ANXA7: variants seen among roughly 807,000 people sequenced by gnomAD.
ANXA7 encodes annexin A7, also known as annexin VII.
In ANXA7, 55 loss-of-function variants were observed where a neutral mutation model predicts 64.9. The observed-to-expected ratio is 0.85, with a 90% CI of 0.68 to 1.06. ANXA7 has a LOEUF of 1.06. Ranked by LOEUF, ANXA7 falls within the 50% of genes least tolerant of loss-of-function variation. ANXA7 has a pLI of 0.00. For synonymous variants in ANXA7, 200 were observed against 192.4 expected (o/e 1.04, Z -0.33); for missense variants, 548 against 582.1 (o/e 0.94, Z 0.60).
chr10:73,377,781 T>G (rs968403768), intron 12 of ANXA7, among the ~76,000 whole-genome samples: 11 of 148,552 alleles, frequency 7.4e-5, no homozygotes, highest in Non-Finnish European at 1.0e-4. Flanking sequence ...TGGGTGTGTG[T>G]GTGTGTGTGT....
At chr10:73,380,266 A>G in intron 9 of ANXA7, 65 bp from the exon 10 acceptor site, 1 of 1,472,204 alleles carries the variant, frequency 6.8e-7, no homozygotes, top group African/African-American at 1.4e-5. Context: ...TTTTTTTTCC[A>G]ATCTAGTTCA....
chr10:73,396,438 A>G, intron 5 of ANXA7, 81 bp downstream of exon 5: 1 of 1,006,556 alleles, frequency 9.9e-7, no homozygotes, highest in Non-Finnish European at 1.5e-6. Context: ...ATTTCCTCCG[A>G]CCCATGGAAA....
intron 1 of ANXA7, among the ~76,000 whole-genome samples, chr10:73,402,271 C>G (rs1482422453): frequency 6.6e-6 from 1 of 152,180 alleles, no homozygotes. Flanking sequence ...TTGCTGCAGC[C>G]TTGACCTCCT....
At chr10:73,405,490 G>C (rs2055742309) in intron 1 of ANXA7, among the ~76,000 whole-genome samples, 1 of 152,136 alleles carries the variant, frequency 6.6e-6, no homozygotes, top group African/African-American at 2.4e-5. Context: ...AGTGAGCCAA[G>C]ATCACACCAC....
intron 7 of ANXA7, 81 bp downstream of exon 7, chr10:73,387,608 T>A (rs2055396339): frequency 9.0e-7 from 1 of 1,113,814 alleles, no homozygotes; most frequent in Admixed American, 1.7e-5. Flanking sequence ...CAGGTACTAA[T>A]CAAAATATAG....
At chr10:73,389,603 A>T (rs960343613) in intron 5 of ANXA7, among the ~76,000 whole-genome samples, 1 of 152,248 alleles carries the variant, frequency 6.6e-6, no homozygotes, top group Non-Finnish European at 1.5e-5. Flanking sequence ...ATACAAAGCT[A>T]TGAAATAATT....
At chr10:73,394,895 T>C (rs111867063) in intron 5 of ANXA7, among the ~76,000 whole-genome samples, 8 of 152,240 alleles carry the variant, frequency 5.3e-5, no homozygotes, top group African/African-American at 1.4e-4. Context: ...CATAAGTACA[T>C]GTGATTTACT....
At chr10:73,377,826 CGTGTGTGTGTGTGTGT>C (rs58404250) in intron 12 of ANXA7, among the ~76,000 whole-genome samples, 4 of 122,518 alleles carry the variant, frequency 3.3e-5, no homozygotes, top group Non-Finnish European at 6.8e-5. Flanking sequence ...TAGGTTTCAC[CGTGTGTGTGTGTGTGT>C]GTGTGTGTGT....
Position 73,388,378 on chromosome 10 carries a change from G to T in ANXA7, c.472C>A (p.Arg158=), listed in dbSNP as rs746705102. The change falls in exon 6 of 13, where the codon CGA becomes AGA. Residue 158 remains arginine, a synonymous_variant. Coordinates refer to ENST00000372921, the MANE Select transcript of ANXA7 (RefSeq NM_001156.5). ...ATAGCATCGAAGTTGGCAGCTGGTC[G>T]GATAGTTCCTTGAGTGACCTGAGTC... is the stretch of plus-strand genomic sequence containing the variant. ...TVTQVTQGTI[R]PAANFDAIRD... is the part of the protein sequence containing the mutation. 1 of 1,613,940 alleles carries T rather than the reference G, an allele frequency of 6.2e-7. No homozygotes were observed. The highest frequency in any genetic ancestry group is 8.5e-7 in the Non-Finnish European group (1 of 1,179,874).
In ANXA7 at chr10:73,379,004, G is replaced by A; in HGVS notation, c.1185C>T (p.Arg395=). 1 of 1,612,570 alleles carries A rather than the reference G, an allele frequency of 6.2e-7. No homozygotes were observed. The highest frequency in any genetic ancestry group is 8.5e-7 in the Non-Finnish European group (1 of 1,179,364). Residue 395 remains arginine, a synonymous_variant, in exon 12 of 13, where the codon CGC becomes CGT. Coordinates refer to ENST00000372921, the MANE Select transcript of ANXA7 (RefSeq NM_001156.5). ...AGAGCCTCTCAGCAAAGAAGGCAGG[G>A]CGGTTCAGGGCACACTGCACTGCAA... ...LKTILQCALN[R]PAFFAERLYY...
At chr10:73,380,237 A>G (rs2055254658) in intron 9 of ANXA7, 36 bp from the exon 10 acceptor site, 5 of 1,574,576 alleles carry the variant, frequency 3.2e-6, no homozygotes, top group East Asian at 4.5e-5. Flanking sequence ...GAAGAAATAA[A>G]TAATAGTTCT....
Position 73,387,802 on chromosome 10 carries a change from T to C in ANXA7, c.539-19A>G, listed in dbSNP as rs751638022. On this transcript the variant is annotated intron_variant, in intron 6 of 12. Transcript: ENST00000372921. The stretch of plus-strand genomic sequence containing the variant: ...TCTGTCCCTGGAAGAACCACACATG[T>C]TTAAGTAAGGACAAAGTACATGCTA... 2.5e-6 allele frequency: 4 copies of C among 1,601,848 alleles called. No individual in the cohort carries two copies. Among genetic ancestry groups the C allele is most frequent in the African/African-American group, 1.3e-5 (1 of 74,542 alleles).
intron 5 of ANXA7, among the ~76,000 whole-genome samples, chr10:73,392,216 C>T (rs1258162698): frequency 6.6e-6 from 1 of 152,110 alleles, no homozygotes; most frequent in Non-Finnish European, 1.5e-5. Flanking sequence ...TAAGAGCCTA[C>T]CAACCAAAAA....
intron 7 of ANXA7, among the ~76,000 whole-genome samples, chr10:73,387,172 G>T (rs567098914): frequency 4.6e-4 from 70 of 152,230 alleles, no homozygotes; most frequent in Middle Eastern, 3.4e-3. Context: ...TGTGACTGGG[G>T]TAAGGTATGA....
At chr10:73,402,526 T>C (rs1464523137) in intron 1 of ANXA7, among the ~76,000 whole-genome samples, 1 of 152,212 alleles carries the variant, frequency 6.6e-6, no homozygotes, top group African/African-American at 2.4e-5. Context: ...AAATAATTCC[T>C]GTGTAGTTAT....
chr10:73,383,796 C>T, intron 7 of ANXA7, 106 bp from the exon 8 acceptor site: 4 of 781,552 alleles, frequency 5.1e-6, no homozygotes, highest in Non-Finnish European at 8.5e-6. Context: ...TTATAAAAAC[C>T]TAAATTTGAA....
At chr10:73,413,242 C>A (rs1045696302) in intron 1 of ANXA7, among the ~76,000 whole-genome samples, 4 of 152,196 alleles carry the variant, frequency 2.6e-5, no homozygotes, top group African/African-American at 9.7e-5. Flanking sequence ...GCTTGAAACT[C>A]TTTCCTTGCC....
chr10:73,395,023 A>G (rs928449018), intron 5 of ANXA7, among the ~76,000 whole-genome samples: 1 of 152,270 alleles, frequency 6.6e-6, no homozygotes, highest in Non-Finnish European at 1.5e-5. Flanking sequence ...ACAGGTTTAT[A>G]ATATGATTGG....
At chr10:73,402,671 A>G (rs1246505513) in intron 1 of ANXA7, among the ~76,000 whole-genome samples, 3 of 152,188 alleles carry the variant, frequency 2.0e-5, no homozygotes, top group South Asian at 2.1e-4. Flanking sequence ...ACAAAACAAG[A>G]TATGTTCAGA....
Sources: allele counts gnomAD v4.1 joint callset (sites outside exome capture counted in the v4.1 genomes callset), GRCh38; gene constraint gnomAD v4.1.1; transcripts MANE v1.5; gene names NCBI Gene and HGNC (gene_info 2026-07-23, HGNC 2026-07-21).